DIAPH3: variants seen among roughly 807,000 people sequenced by gnomAD.
The protein encoded by DIAPH3 is protein diaphanous homolog 3.
DIAPH3 carries 117 observed loss-of-function variants against 144.3 expected under a neutral mutation model. The ratio of observed to expected loss-of-function variants is 0.81; its 90% confidence interval spans 0.70 to 0.95. The LOEUF is 0.95. DIAPH3 is among the 40% of genes least tolerant of loss of function. DIAPH3 has a pLI of 0.00. For missense variants in DIAPH3, 1,421 were observed against 1,412.7 expected (o/e 1.01, Z -0.09); for synonymous variants, 519 against 488.9 (o/e 1.06, Z -0.81).
At chr13:59,886,370 C>T (rs1438327539) in intron 20 of DIAPH3, among the ~76,000 whole-genome samples, 1 of 152,076 alleles carries the variant, frequency 6.6e-6, no homozygotes, top group East Asian at 1.9e-4. Context: ...TAAGCCAAAA[C>T]TTTTGCCTTG....
Position 60,042,733 on chromosome 13 carries a change from A to G in DIAPH3, c.583T>C (p.Cys195Arg), listed in dbSNP as rs756116902. ...AAAGACACTCGGAGAGACTCCAGGC[A>G]TGTGACAAGTCTCTCATCTGCAGAC... ...MGSADERLVTCLESLRVSLTS... is the reference protein window; with the variant it reads ...MGSADERLVTRLESLRVSLTS... Residue 195 changes from cysteine to arginine, a missense_variant, in exon 5 of 28, where the codon TGC (cysteine) becomes CGC (arginine). Coordinates refer to ENST00000400324, the MANE Select transcript of DIAPH3 (RefSeq NM_001042517.2). The G allele has an allele frequency of 6.2e-7, 1 of 1,613,672 alleles. No individual in the cohort carries two copies. The highest frequency in any genetic ancestry group is 8.5e-7 in the Non-Finnish European group (1 of 1,179,802).
At chr13:59,682,657 A>T (rs1021517589) in intron 27 of DIAPH3, among the ~76,000 whole-genome samples, 1 of 152,146 alleles carries the variant, frequency 6.6e-6, no homozygotes, top group Non-Finnish European at 1.5e-5. Context: ...ATTAAACTCT[A>T]TATATAATAC....
At chr13:59,873,736 G>A (rs568550732) in intron 21 of DIAPH3, among the ~76,000 whole-genome samples, 3 of 145,654 alleles carry the variant, frequency 2.1e-5, no homozygotes, top group East Asian at 4.0e-4. Context: ...GCATGATCTC[G>A]GCTCACTGCA....
At chr13:59,782,448 T>C (rs931314529) in intron 25 of DIAPH3, among the ~76,000 whole-genome samples, 3 of 152,144 alleles carry the variant, frequency 2.0e-5, no homozygotes, top group Admixed American at 2.0e-4. Context: ...AGTGATTGCC[T>C]CTGGGAAGTG....
intron 18 of DIAPH3, among the ~76,000 whole-genome samples, chr13:59,923,491 T>A (rs1566522935): frequency 6.6e-6 from 1 of 152,164 alleles, no homozygotes; most frequent in Admixed American, 6.6e-5. Flanking sequence ...TTATTTCTCA[T>A]GAAGACCATA....
chr13:59,688,918 T>C (rs938584682), intron 27 of DIAPH3, among the ~76,000 whole-genome samples: 2 of 152,148 alleles, frequency 1.3e-5, no homozygotes, highest in African/African-American at 4.8e-5. Flanking sequence ...TAACTAATAC[T>C]AACATTTTAG....
At chr13:59,888,111 A>G (rs373765237) in intron 20 of DIAPH3, among the ~76,000 whole-genome samples, 56 of 152,084 alleles carry the variant, frequency 3.7e-4, no homozygotes, top group African/African-American at 4.8e-4. Context: ...GTGTCCCACC[A>G]AACATAAATG....
At chr13:59,881,508 A>T (rs1469373539) in intron 20 of DIAPH3, among the ~76,000 whole-genome samples, 2 of 152,196 alleles carry the variant, frequency 1.3e-5, no homozygotes, top group Non-Finnish European at 2.9e-5. Flanking sequence ...GTACTACTAC[A>T]TTCATGCACA....
intron 25 of DIAPH3, among the ~76,000 whole-genome samples, chr13:59,776,844 T>C (rs1157503291): frequency 6.6e-6 from 1 of 151,882 alleles, no homozygotes; most frequent in Non-Finnish European, 1.5e-5. Flanking sequence ...AAAATGGAAA[T>C]ATGGAATTGG....
chr13:60,095,610 T>C (rs1351746397), intron 3 of DIAPH3, among the ~76,000 whole-genome samples: 1 of 146,552 alleles, frequency 6.8e-6, no homozygotes, highest in Non-Finnish European at 1.5e-5. Context: ...TTGCTGTTTT[T>C]TGTGTTTTTT....
Position 59,728,491 on chromosome 13 carries a change from A to G in DIAPH3, c.3319+45698T>C, listed in dbSNP as rs1255016605. On this transcript the variant is annotated intron_variant, in intron 27 of 27. Coordinates refer to ENST00000400324, the MANE Select transcript of DIAPH3 (RefSeq NM_001042517.2). ...AGAAAAGATAGAAGAGATAGTGGTA[A>G]CATTAATTGACACTGTAGAAAGAAA... Among the ~76,000 whole-genome samples the G allele has an allele frequency of 2.3e-4, 35 of 152,116 alleles. 1 individual carries two copies. Among genetic ancestry groups the G allele is most frequent in the Admixed American group, 2.2e-3 (33 of 15,260 alleles).
At chr13:59,900,598 C>T (rs966415440) in intron 20 of DIAPH3, among the ~76,000 whole-genome samples, 37 of 152,188 alleles carry the variant, frequency 2.4e-4, no homozygotes, top group African/African-American at 8.4e-4. Context: ...TGCCCCTCTC[C>T]AGGGAGAAGA....
rs936923916 is a variant in DIAPH3, at chr13:59,992,061, A to C, written c.1244+7T>G. On this transcript the variant is annotated splice_region_variant and intron_variant, in intron 11 of 27. Coordinates refer to ENST00000400324, the MANE Select transcript of DIAPH3 (RefSeq NM_001042517.2). ...TGATTTGACTAGACTTCAGAACAAA[A>C]GGATATTCAAGTTCAGCTCTAATAT... 15 of 1,603,648 alleles carry C rather than the reference A, an allele frequency of 9.4e-6. No homozygotes were observed. Among genetic ancestry groups the C allele is most frequent in the Non-Finnish European group, 8.5e-7 (1 of 1,171,360 alleles).
intron 2 of DIAPH3, 47 bp downstream of exon 2, chr13:60,132,910 T>A: frequency 6.6e-7 from 1 of 1,504,284 alleles, no homozygotes. Context: ...CAACGTTATA[T>A]GGTTAGTTAC....
chr13:59,991,677 G>A (rs1049814997), intron 11 of DIAPH3, among the ~76,000 whole-genome samples: 11 of 152,042 alleles, frequency 7.2e-5, no homozygotes, highest in South Asian at 2.1e-4. Context: ...GAGCACAGAC[G>A]TCTGCAGACC....
At chr13:60,033,051 A>T (rs2054922527) in intron 5 of DIAPH3, among the ~76,000 whole-genome samples, 1 of 152,198 alleles carries the variant, frequency 6.6e-6, no homozygotes, top group Non-Finnish European at 1.5e-5. Context: ...GCAGAAGCAA[A>T]ATGCAGCCAA....
chr13:59,821,088 G>A (rs1248027173), intron 24 of DIAPH3, among the ~76,000 whole-genome samples: 2 of 151,954 alleles, frequency 1.3e-5, no homozygotes, highest in Admixed American at 1.3e-4. Context: ...AGCAATACAA[G>A]TCAGGGATCT....
At chr13:59,836,572 C>G (rs2042054398) in intron 23 of DIAPH3, among the ~76,000 whole-genome samples, 1 of 151,604 alleles carries the variant, frequency 6.6e-6, no homozygotes, top group South Asian at 2.1e-4. Flanking sequence ...AGTAAGCATA[C>G]ACAGAAAGAA....
chr13:59,861,301 A>C (rs2043568500), intron 22 of DIAPH3, 106 bp downstream of exon 22: 1 of 1,589,458 alleles, frequency 6.3e-7, no homozygotes, highest in Non-Finnish European at 8.5e-7. Flanking sequence ...ATTGGGTATG[A>C]AAACACTGTG....
Sources: allele counts gnomAD v4.1 joint callset (sites outside exome capture counted in the v4.1 genomes callset), GRCh38; gene constraint gnomAD v4.1.1; transcripts MANE v1.5; gene names NCBI Gene and HGNC (gene_info 2026-07-23, HGNC 2026-07-21).